The following TMEM132C variants were observed in gnomAD, a reference collection of about 807,000 sequenced individuals.
The protein encoded by TMEM132C is transmembrane protein 132C.
A neutral mutation model predicts 61.4 loss-of-function variants in TMEM132C; 29 were observed. The ratio of observed to expected loss-of-function variants is 0.47; its 90% CI spans 0.35 to 0.64. The LOEUF (loss-of-function observed/expected upper bound fraction) is 0.64. Among genes scored for constraint, TMEM132C ranks in the 30% least tolerant of loss-of-function variants. The pLI, the probability that TMEM132C is intolerant of heterozygous loss-of-function variation, is 0.00. For synonymous variants in TMEM132C, 656 were observed against 633.1 expected (o/e 1.04, Z -0.54); for missense variants, 1,408 against 1,476.9 (o/e 0.95, Z 0.76).
At chr12:128,628,278 T>G (rs561651619) in intron 4 of TMEM132C, among the ~76,000 whole-genome samples, 43 of 152,296 alleles carry the variant, frequency 2.8e-4, no homozygotes, top group African/African-American at 1.0e-3. Context: ...CCCACTGCAC[T>G]TTTTTAAAAA....
At chr12:128,653,652 G>A (rs1421966027) in intron 4 of TMEM132C, among the ~76,000 whole-genome samples, 1 of 152,146 alleles carries the variant, frequency 6.6e-6, no homozygotes, top group African/African-American at 2.4e-5. Context: ...TTCCTAACCT[G>A]TGAAGTGGGG....
chr12:128,619,554 C>T (rs746662833), intron 4 of TMEM132C, among the ~76,000 whole-genome samples: 1 of 152,222 alleles, frequency 6.6e-6, no homozygotes, highest in Non-Finnish European at 1.5e-5. Context: ...CGTCCTGCCT[C>T]CAGGCTTGTT....
chr12:128,295,784 A>AC, intron 1 of TMEM132C, among the ~76,000 whole-genome samples: 1 of 151,824 alleles, frequency 6.6e-6, no homozygotes, highest in East Asian at 1.9e-4. Context: ...AAAAAAAAAA[A>AC]ACCTTAAAAA....
At chr12:128,576,270 G>A (rs1435014223) in intron 3 of TMEM132C, among the ~76,000 whole-genome samples, 1 of 151,438 alleles carries the variant, frequency 6.6e-6, no homozygotes, top group Non-Finnish European at 1.5e-5. Flanking sequence ...AAGGGGAGGG[G>A]AGGGGAGGGG....
intron 4 of TMEM132C, among the ~76,000 whole-genome samples, chr12:128,623,468 CAA>C (rs56335710): frequency 7.0e-6 from 1 of 143,116 alleles, no homozygotes; most frequent in Non-Finnish European, 1.5e-5. Flanking sequence ...TGAAACCTGC[CAA>C]AAAAAAAAGT....
Position 128,695,968 on chromosome 12 carries a change from C to T in TMEM132C, c.1794C>T (p.Tyr598=). The T allele has an allele frequency of 1.3e-6, 2 of 1,551,794 alleles. No homozygotes were observed. The highest frequency in any genetic ancestry group is 1.2e-5 in the South Asian group (1 of 84,064). ...EGAGPWGQPN[Y]LLSPNWQFDI... ...CCGGTCCATGGGGCCAGCCGAACTA[C>T]CTGCTTAGTCCTAACTGGCAGTTCG... The change falls in exon 7 of 9, where the codon TAC becomes TAT. Residue 598 remains tyrosine (Y), a synonymous_variant. Coordinates refer to ENST00000435159, the MANE Select transcript of TMEM132C (RefSeq NM_001136103.3).
At chr12:128,388,750 G>A (rs774468209) in intron 1 of TMEM132C, among the ~76,000 whole-genome samples, 6 of 152,228 alleles carry the variant, frequency 3.9e-5, no homozygotes, top group Admixed American at 3.3e-4. Flanking sequence ...AGCTGACGCC[G>A]GCTGGCTTCA....
intron 1 of TMEM132C, among the ~76,000 whole-genome samples, chr12:128,270,947 C>T (rs1462828846): frequency 6.6e-6 from 1 of 151,842 alleles, no homozygotes; most frequent in Non-Finnish European, 1.5e-5. Flanking sequence ...TTCAAAGGCT[C>T]CCAACATTTA....
chr12:128,276,909 C>CAG (rs1282691547), intron 1 of TMEM132C, among the ~76,000 whole-genome samples: 1 of 151,924 alleles, frequency 6.6e-6, no homozygotes, highest in Admixed American at 6.6e-5. Flanking sequence ...CACACACACA[C>CAG]ACACACAATT....
chr12:128,490,890 C>A (rs1293918592), intron 2 of TMEM132C, among the ~76,000 whole-genome samples: 4 of 152,142 alleles, frequency 2.6e-5, no homozygotes, highest in African/African-American at 9.7e-5. Context: ...TTAGTGATTA[C>A]CCTCTATCAG....
rs973475670 is a variant in TMEM132C, at chr12:128,524,354, C to T, written c.975-19603C>T. Among the ~76,000 whole-genome samples the T allele has an allele frequency of 5.3e-5, 8 of 152,290 alleles. No individual in the cohort carries two copies. The South Asian group carries it at 8.3e-4, about 16-fold the overall frequency. On this transcript the variant is annotated intron_variant, in intron 2 of 8. Transcript: ENST00000435159. ...CATCTCACCAGGACCCAAGTGCTGC[C>T]GTTTGATGTGAATAAGCCCCAGGAG...
chr12:128,362,512 A>G (rs1873738433), intron 1 of TMEM132C, among the ~76,000 whole-genome samples: 1 of 152,184 alleles, frequency 6.6e-6, no homozygotes, highest in Non-Finnish European at 1.5e-5. Context: ...GGGGACTAGA[A>G]GTATCTGCCA....
At position 128,570,254 on chromosome 12, in the gene TMEM132C, G is replaced by C. The variant is rs1287701849; in HGVS notation, c.1121+26151G>C. On this transcript the variant is annotated intron_variant, in intron 3 of 8. Transcript: ENST00000435159. This position sits in a 1 kb window ranked among gnomAD's most constrained non-coding sequence, Gnocchi z 4.7. Reference sequence around the variant, plus strand: ...TCACACTGTGGTCACATTGAGAAAAGATGCAAGACGCATTCTGACACTTAG... The same window carrying C: ...TCACACTGTGGTCACATTGAGAAAACATGCAAGACGCATTCTGACACTTAG... 1.3e-5 allele frequency among the ~76,000 whole-genome samples: 2 copies of C among 151,718 alleles called. No individual in the cohort carries two copies. Among genetic ancestry groups the C allele is most frequent in the Admixed American group, 6.6e-5 (1 of 15,206 alleles).
At chr12:128,534,675 ACT>A (rs1873454733) in intron 2 of TMEM132C, among the ~76,000 whole-genome samples, 1 of 152,092 alleles carries the variant, frequency 6.6e-6, no homozygotes, top group African/African-American at 2.4e-5. Context: ...TAAAATGCTG[ACT>A]CTGGTTGCAA....
Position 128,696,083 on chromosome 12 carries a change from G to A in TMEM132C, c.1909G>A (p.Val637Ile), listed in dbSNP as rs983084798. 1 of 1,551,650 alleles carries A rather than the reference G, an allele frequency of 6.4e-7. No individual in the cohort carries two copies. Among genetic ancestry groups the A allele is most frequent in the Non-Finnish European group, 8.7e-7 (1 of 1,146,978 alleles). The part of the protein sequence containing the change: ...QDSRVLVGRE[V>I]GMTTIQVLSP... ...CAGCCGGGTCCTGGTTGGGCGAGAG[G>A]TTGGGATGACGACCATCCAGGTAGG... is the stretch of plus-strand genomic sequence containing the variant. Residue 637 changes from valine to isoleucine, a missense_variant, in exon 7 of 9, where the codon GTT (valine) becomes ATT (isoleucine). Coordinates refer to ENST00000435159, the MANE Select transcript of TMEM132C (RefSeq NM_001136103.3).
chr12:128,654,234 G>A (rs1954301856), intron 4 of TMEM132C, among the ~76,000 whole-genome samples: 1 of 152,092 alleles, frequency 6.6e-6, no homozygotes, highest in Non-Finnish European at 1.5e-5. Flanking sequence ...CCTATAGGTG[G>A]GAGATTTGGA....
chr12:128,447,705 CTTTTTTTTTTT>C (rs767506039), intron 2 of TMEM132C, among the ~76,000 whole-genome samples: 26 of 58,622 alleles, frequency 4.4e-4, no homozygotes, highest in African/African-American at 1.9e-3. Context: ...ATTTCAAGTG[CTTTTTTTTTTT>C]TTTTTTTTTT....
At chr12:128,332,803 A>G (rs1052218259) in intron 1 of TMEM132C, among the ~76,000 whole-genome samples, 5 of 152,194 alleles carry the variant, frequency 3.3e-5, no homozygotes, top group Admixed American at 6.5e-5. Context: ...CATGTTCCCA[A>G]TCATCTCTGA....
At chr12:128,449,365 C>G (rs768588344) in intron 2 of TMEM132C, among the ~76,000 whole-genome samples, 1 of 152,016 alleles carries the variant, frequency 6.6e-6, no homozygotes, top group Non-Finnish European at 1.5e-5. Context: ...TCCTGGTCCC[C>G]GGAGGCGTTT....
Sources: gnomAD v4.1 joint callset for allele counts (sites outside exome capture counted in the v4.1 genomes callset) on GRCh38, gnomAD v4.1.1 for gene constraint, Gnocchi (gnomAD v3.1) non-coding constraint, MANE v1.5 for transcripts, NCBI Gene and HGNC (gene_info 2026-07-23, HGNC 2026-07-21) for gene names.